Variants in COMMD10 observed in about 807,000 individuals in gnomAD.
COMMD10 encodes the protein COMM domain containing 10.
In COMMD10, 33 loss-of-function variants were observed where a neutral mutation model predicts 28.9. The ratio of observed to expected loss-of-function variants is 1.14; its 90% CI spans 0.87 to 1.53. The LOEUF is 1.53. COMMD10 is among the 40% of genes most tolerant of loss of function. The probability of loss-of-function intolerance (pLI) is 0.00; values close to 1 mark genes in which losing one functional copy is unlikely to be tolerated. For missense variants in COMMD10, 310 were observed against 233.4 expected (o/e 1.33, Z -2.14); for synonymous variants, 110 against 81.7 (o/e 1.35, Z -1.87).
chr5:116,260,998 G>T (rs1446989029), intron 5 of COMMD10, among the ~76,000 whole-genome samples: 1 of 151,722 alleles, frequency 6.6e-6, no homozygotes, highest in African/African-American at 2.4e-5. Context: ...GCCTTGTGAA[G>T]ACTTGCCAAA....
At chr5:116,152,872 A>G (rs10066081) in intron 5 of COMMD10, among the ~76,000 whole-genome samples, 75,477 of 151,974 alleles carry the variant, frequency 0.5, 21,746 homozygotes, top group Non-Finnish European at 0.65. Flanking sequence ...TCATTGACCT[A>G]TTTTAATTTG....
chr5:116,127,026 A>C (rs1184092908), intron 4 of COMMD10, among the ~76,000 whole-genome samples: 1 of 152,098 alleles, frequency 6.6e-6, no homozygotes, highest in East Asian at 1.9e-4. Flanking sequence ...AATCTACCCA[A>C]CTGACAAAGG....
intron 5 of COMMD10, among the ~76,000 whole-genome samples, chr5:116,218,486 A>T (rs560743484): frequency 1.3e-5 from 2 of 152,134 alleles, no homozygotes; most frequent in Non-Finnish European, 2.9e-5. Flanking sequence ...TTCACTGTTA[A>T]AAATAGTTTT....
At chr5:116,165,250 C>T (rs556523078) in intron 5 of COMMD10, among the ~76,000 whole-genome samples, 1 of 152,242 alleles carries the variant, frequency 6.6e-6, no homozygotes, top group South Asian at 2.1e-4. Flanking sequence ...TTTAAAATAT[C>T]CCCTTAATCG....
chr5:116,285,745 C>T (rs570415690), intron 5 of COMMD10, among the ~76,000 whole-genome samples: 1 of 151,940 alleles, frequency 6.6e-6, no homozygotes, highest in African/African-American at 2.4e-5. Context: ...TGTATAAACC[C>T]TTTAATGTGC....
rs146272843 is a variant in COMMD10, at chr5:116,200,438, G to A, written c.510+66260G>A. The stretch of plus-strand genomic sequence containing the variant: ...GCATTTATCTCTTTTGGTGCTCTGT[G>A]AGCTTCCTGGATCTATGGTTTCGTA... On this transcript the variant is annotated intron_variant, in intron 5 of 6. Transcript: ENST00000274458. Among the ~76,000 whole-genome samples, 347 of 152,070 alleles carry A rather than the reference G, an allele frequency of 2.3e-3. 1 individual carries two copies. The highest frequency in any genetic ancestry group is 3.9e-3 in the Non-Finnish European group (264 of 67,984).
chr5:116,206,100 A>G (rs567567949), intron 5 of COMMD10, among the ~76,000 whole-genome samples: 10 of 152,204 alleles, frequency 6.6e-5, no homozygotes, highest in Non-Finnish European at 1.0e-4. Flanking sequence ...CTTCAGATCA[A>G]ACGTTCAGAA....
chr5:116,212,557 G>A (rs950092969), intron 5 of COMMD10, among the ~76,000 whole-genome samples: 17 of 138,948 alleles, frequency 1.2e-4, no homozygotes, highest in African/African-American at 4.3e-4. Context: ...GTTCATGTGG[G>A]TGTAAAGTGA....
chr5:116,108,187 C>T (rs553080815), intron 4 of COMMD10, among the ~76,000 whole-genome samples: 5 of 152,326 alleles, frequency 3.3e-5, no homozygotes, highest in African/African-American at 4.8e-5. Flanking sequence ...GTCACTGGAT[C>T]AGAGCTTGAA....
At chr5:116,183,664 C>T (rs980926959) in intron 5 of COMMD10, among the ~76,000 whole-genome samples, 2 of 152,080 alleles carry the variant, frequency 1.3e-5, no homozygotes, top group Non-Finnish European at 1.5e-5. Context: ...AATATATTCA[C>T]TGCACTTAGC....
intron 4 of COMMD10, among the ~76,000 whole-genome samples, chr5:116,128,346 A>G (rs938157758): frequency 6.6e-6 from 1 of 152,016 alleles, no homozygotes; most frequent in Non-Finnish European, 1.5e-5. Flanking sequence ...ACCATTATAA[A>G]TATTAGTGGC....
chr5:116,090,964 A>T (rs759190863), intron 2 of COMMD10, 115 bp from the exon 3 acceptor site: 2 of 567,480 alleles, frequency 3.5e-6, no homozygotes, highest in Non-Finnish European at 3.1e-6. Flanking sequence ...TCTTTTCACC[A>T]TGTATTTTTC....
At chr5:116,254,698 G>A (rs550588436) in intron 5 of COMMD10, among the ~76,000 whole-genome samples, 4 of 151,934 alleles carry the variant, frequency 2.6e-5, no homozygotes, top group Admixed American at 2.0e-4. Context: ...TACATTTGCT[G>A]AGGAGATCTT....
chr5:116,107,347 C>T (rs1031400928), intron 4 of COMMD10, among the ~76,000 whole-genome samples: 58 of 152,130 alleles, frequency 3.8e-4, no homozygotes, highest in African/African-American at 1.4e-3. Context: ...TTCACATAGT[C>T]CCATATTTCT....
At chr5:116,233,068 T>TA (rs1377623221) in intron 5 of COMMD10, among the ~76,000 whole-genome samples, 1 of 152,134 alleles carries the variant, frequency 6.6e-6, no homozygotes, top group Admixed American at 6.5e-5. Flanking sequence ...ATTGAACGCT[T>TA]ACGATTGGGC....
intron 5 of COMMD10, among the ~76,000 whole-genome samples, chr5:116,186,282 C>G (rs1324618653): frequency 6.6e-6 from 1 of 152,116 alleles, no homozygotes; most frequent in Non-Finnish European, 1.5e-5. Context: ...CCCATAACCC[C>G]AAACTGCTTT....
chr5:116,280,636 T>C (rs1158457395), intron 5 of COMMD10, among the ~76,000 whole-genome samples: 3 of 151,838 alleles, frequency 2.0e-5, no homozygotes, highest in Non-Finnish European at 2.9e-5. Context: ...TGACTGAATA[T>C]AGTGGATGAC....
chr5:116,198,484 T>C (rs1214591787), intron 5 of COMMD10, among the ~76,000 whole-genome samples: 1 of 152,156 alleles, frequency 6.6e-6, no homozygotes, highest in Admixed American at 6.6e-5. Context: ...GTATCCCCTA[T>C]TAGAGTGATA....
intron 4 of COMMD10, among the ~76,000 whole-genome samples, chr5:116,102,728 A>T (rs1222000813): frequency 6.6e-6 from 1 of 152,138 alleles, no homozygotes; most frequent in Non-Finnish European, 1.5e-5. Flanking sequence ...CAGGTTTGTT[A>T]CATAGGTATA....
Sources: allele counts gnomAD v4.1 joint callset (sites outside exome capture counted in the v4.1 genomes callset), GRCh38; gene constraint gnomAD v4.1.1; transcripts MANE v1.5; gene names NCBI Gene and HGNC (gene_info 2026-07-23, HGNC 2026-07-21).